The following TMEM132C variants were observed in gnomAD, a reference collection of about 807,000 sequenced individuals.
TMEM132C encodes protein phosphatase 1, regulatory subunit 152.
A neutral mutation model predicts 61.4 loss-of-function variants in TMEM132C; 29 were observed. That is an observed-to-expected ratio of 0.47 (90% CI 0.35 to 0.64). The LOEUF (loss-of-function observed/expected upper bound fraction) is 0.64. Ranked by LOEUF, TMEM132C falls within the 30% of genes least tolerant of loss-of-function variation. The pLI, the probability that TMEM132C is intolerant of heterozygous loss-of-function variation, is 0.00. For synonymous variants in TMEM132C, 656 were observed against 633.1 expected (o/e 1.04, Z -0.54); for missense variants, 1,408 against 1,476.9 (o/e 0.95, Z 0.76).
intron 4 of TMEM132C, among the ~76,000 whole-genome samples, chr12:128,628,930 A>T (rs1200341104): frequency 6.6e-6 from 1 of 152,266 alleles, no homozygotes; most frequent in East Asian, 1.9e-4. Flanking sequence ...CTACAGCCTC[A>T]TAATTATGTC....
intron 2 of TMEM132C, among the ~76,000 whole-genome samples, chr12:128,474,725 A>T (rs1200218451): frequency 6.6e-6 from 1 of 152,230 alleles, no homozygotes; most frequent in Non-Finnish European, 1.5e-5. Context: ...GCAGTCCCTT[A>T]TTTTTGTTAT....
intron 3 of TMEM132C, among the ~76,000 whole-genome samples, chr12:128,597,494 AAAGAAGGAAGGAAG>A (rs1876013615): frequency 1.4e-5 from 1 of 70,020 alleles, no homozygotes. Context: ...GGAAGGAAGG[AAAGAAGGAAGGAAG>A]GAAGGAAGGA....
chr12:128,420,283 A>T (rs1430713112), intron 2 of TMEM132C, among the ~76,000 whole-genome samples: 1 of 152,178 alleles, frequency 6.6e-6, no homozygotes, highest in Non-Finnish European at 1.5e-5. Flanking sequence ...GGAAGAATGG[A>T]AAGTGCTGGT....
At chr12:128,408,910 G>A (rs897141215) in intron 1 of TMEM132C, among the ~76,000 whole-genome samples, 1 of 152,182 alleles carries the variant, frequency 6.6e-6, no homozygotes, top group Non-Finnish European at 1.5e-5. Flanking sequence ...TCCTTCCAGA[G>A]GACAGCAGAG....
At chr12:128,579,731 A>C (rs1875258664) in intron 3 of TMEM132C, among the ~76,000 whole-genome samples, 1 of 152,174 alleles carries the variant, frequency 6.6e-6, no homozygotes, top group African/African-American at 2.4e-5. Context: ...GCTGGGCAGG[A>C]GAGAGGGAAG....
At chr12:128,609,920 A>G (rs75847666) in intron 3 of TMEM132C, among the ~76,000 whole-genome samples, 1,699 of 152,308 alleles carry the variant, frequency 0.011, 18 homozygotes, top group Non-Finnish European at 0.016. Flanking sequence ...GCTCCCACCT[A>G]GGCCCCATGC....
chr12:128,448,687 A>G (rs1415921869), intron 2 of TMEM132C, among the ~76,000 whole-genome samples: 2 of 152,188 alleles, frequency 1.3e-5, no homozygotes. Flanking sequence ...TCAGAGTCAA[A>G]CTGCTAAGGG....
At chr12:128,596,071 G>C (rs1393046305) in intron 3 of TMEM132C, among the ~76,000 whole-genome samples, 1 of 152,068 alleles carries the variant, frequency 6.6e-6, no homozygotes, top group Non-Finnish European at 1.5e-5. Flanking sequence ...CCCTTTTGCA[G>C]GTCCTGGTAC....
At chr12:128,488,574 T>C (rs1202469853) in intron 2 of TMEM132C, among the ~76,000 whole-genome samples, 1 of 151,966 alleles carries the variant, frequency 6.6e-6, no homozygotes, top group African/African-American at 2.4e-5. Context: ...GGCAGGAGAA[T>C]TGCTTGAACC....
At chr12:128,429,714 G>A (rs902376367) in intron 2 of TMEM132C, among the ~76,000 whole-genome samples, 1 of 152,160 alleles carries the variant, frequency 6.6e-6, no homozygotes, top group African/African-American at 2.4e-5. Flanking sequence ...GAAGAACAGG[G>A]CTTTGATAAC....
At chr12:128,675,380 G>A (rs1187479925) in intron 5 of TMEM132C, among the ~76,000 whole-genome samples, 1 of 152,188 alleles carries the variant, frequency 6.6e-6, no homozygotes, top group African/African-American at 2.4e-5. Context: ...CCACCTGCCT[G>A]AGGTCACGCA....
At chr12:128,547,354 G>A (rs1873988220) in intron 3 of TMEM132C, among the ~76,000 whole-genome samples, 3 of 151,000 alleles carry the variant, frequency 2.0e-5, no homozygotes, top group South Asian at 4.2e-4. Context: ...CTTGCCTTTG[G>A]CTCTTGAAAT....
intron 1 of TMEM132C, among the ~76,000 whole-genome samples, chr12:128,358,078 G>T (rs563284496): frequency 1.7e-4 from 26 of 152,218 alleles, no homozygotes; most frequent in African/African-American, 6.3e-4. Context: ...ACCCCTGTGA[G>T]CCATTCGAGG....
At chr12:128,362,967 T>C (rs1873752240) in intron 1 of TMEM132C, among the ~76,000 whole-genome samples, 1 of 152,132 alleles carries the variant, frequency 6.6e-6, no homozygotes, top group Admixed American at 6.5e-5. Context: ...AAAAAGAGCA[T>C]GAATTAAATA....
chr12:128,691,219 A>G (rs999437823), intron 5 of TMEM132C, among the ~76,000 whole-genome samples: 4 of 152,236 alleles, frequency 2.6e-5, no homozygotes, highest in African/African-American at 7.2e-5. Flanking sequence ...TGTATTCTCA[A>G]AAGAGTGAAT....
chr12:128,398,704 A>G (rs1261400594), intron 1 of TMEM132C, among the ~76,000 whole-genome samples: 1 of 152,130 alleles, frequency 6.6e-6, no homozygotes, highest in Non-Finnish European at 1.5e-5. Flanking sequence ...TTATGTGAAA[A>G]TTAGGGATAA....
chr12:128,537,239 G>T (rs118007180), intron 2 of TMEM132C, among the ~76,000 whole-genome samples: 268 of 152,322 alleles, frequency 1.8e-3, no homozygotes, highest in Non-Finnish European at 2.9e-3. Context: ...AAGGTTAGTG[G>T]TCTCTTATTA....
chr12:128,678,725 G>T (rs1954612294), intron 5 of TMEM132C, among the ~76,000 whole-genome samples: 1 of 152,188 alleles, frequency 6.6e-6, no homozygotes, highest in Admixed American at 6.5e-5. Context: ...GGCATCTAGT[G>T]GTTAGAAGTT....
chr12:128,485,642 A>G (rs1445103527), intron 2 of TMEM132C, among the ~76,000 whole-genome samples: 1 of 151,954 alleles, frequency 6.6e-6, no homozygotes, highest in Non-Finnish European at 1.5e-5. Flanking sequence ...AAACACCCCA[A>G]AAAACACAGG....
Sources: allele counts gnomAD v4.1 joint callset (sites outside exome capture counted in the v4.1 genomes callset), GRCh38; gene constraint gnomAD v4.1.1; transcripts MANE v1.5; gene names NCBI Gene and HGNC (gene_info 2026-07-23, HGNC 2026-07-21).